TRAF3: variants seen among roughly 807,000 people sequenced by gnomAD.
TRAF3 encodes TNF receptor associated factor 3.
A neutral mutation model predicts 62.3 loss-of-function variants in TRAF3; 13 were observed. The observed-to-expected ratio is 0.21, with a 90% CI of 0.14 to 0.33. The LOEUF (loss-of-function observed/expected upper bound fraction) is 0.33, where lower values mean the gene tolerates loss of function less well. TRAF3 is among the 10% of genes least tolerant of loss of function. The pLI is 1.00. For missense variants in TRAF3, 440 were observed against 741.8 expected, an observed-to-expected ratio of 0.59 and a Z score of 4.73; for synonymous variants, 269 against 283.4, an observed-to-expected ratio of 0.95 and a Z score of 0.51.
At chr14:102,879,531 T>A (rs1888920901) in intron 6 of TRAF3, among the ~76,000 whole-genome samples, 2 of 152,014 alleles carry the variant, frequency 1.3e-5, no homozygotes, top group African/African-American at 4.8e-5. Context: ...AGTGGTGGGA[T>A]TATAGGCGTG....
intron 2 of TRAF3, among the ~76,000 whole-genome samples, chr14:102,858,288 C>T (rs1887491820): frequency 6.6e-6 from 1 of 151,948 alleles, no homozygotes; most frequent in African/African-American, 2.4e-5. Context: ...AGTAGCTGGG[C>T]TTACAGGTAC....
At position 102,826,919 on chromosome 14, in the gene TRAF3, G is replaced by A. The variant is rs1359176139; in HGVS notation, c.-156-3415G>A. Among the ~76,000 whole-genome samples, 5 of 152,188 alleles carry A rather than the reference G, an allele frequency of 3.3e-5. No individual in the cohort carries two copies. The highest frequency in any genetic ancestry group is 7.4e-5 in the Non-Finnish European group (5 of 68,024). ...TGGTGCCTCCCCGTGGTCACCATGT[G>A]CCTTGGGCAAATGGAGGCCTCAGGT... On this transcript the variant is annotated intron_variant, in intron 1 of 11. Coordinates refer to ENST00000392745, the MANE Select transcript of TRAF3 (RefSeq NM_145725.3). This position sits in a 1 kb window ranked among gnomAD's most constrained non-coding sequence, Gnocchi z 4.6.
At chr14:102,816,513 A>T (rs1417147502) in intron 1 of TRAF3, among the ~76,000 whole-genome samples, 1 of 152,246 alleles carries the variant, frequency 6.6e-6, no homozygotes, top group Non-Finnish European at 1.5e-5. Context: ...TGTTGAAATG[A>T]TAAAGTTTAA....
chr14:102,902,974 T>G (rs897283749), intron 10 of TRAF3: 1 of 480,332 alleles, frequency 2.1e-6, no homozygotes, highest in African/African-American at 2.0e-5. Context: ...GATGGCTCTC[T>G]GTTGACAAAG....
chr14:102,829,883 A>G (rs1382927147), intron 1 of TRAF3, among the ~76,000 whole-genome samples: 1 of 152,244 alleles, frequency 6.6e-6, no homozygotes, highest in Non-Finnish European at 1.5e-5. Context: ...TAATCCCAGC[A>G]CTTTGGGAGA....
At chr14:102,888,340 C>T (rs1889519199) in intron 7 of TRAF3, among the ~76,000 whole-genome samples, 1 of 152,202 alleles carries the variant, frequency 6.6e-6, no homozygotes, top group Non-Finnish European at 1.5e-5. Flanking sequence ...TTCCTACCAC[C>T]TTGACTCTGC....
intron 1 of TRAF3, among the ~76,000 whole-genome samples, chr14:102,786,192 C>T (rs908946403): frequency 2.0e-5 from 3 of 152,274 alleles, no homozygotes; most frequent in Admixed American, 1.3e-4. Flanking sequence ...TCAGTTTTCT[C>T]ATCTATGCAA....
chr14:102,864,692 G>T (rs1177407072), intron 2 of TRAF3, among the ~76,000 whole-genome samples: 1 of 152,328 alleles, frequency 6.6e-6, no homozygotes, highest in African/African-American at 2.4e-5. Context: ...GTCAGTATTT[G>T]TTGGGTTGAG....
chr14:102,825,596 C>T (rs529306806), intron 1 of TRAF3, among the ~76,000 whole-genome samples: 2 of 152,344 alleles, frequency 1.3e-5, no homozygotes, highest in East Asian at 3.9e-4. Context: ...ACGGAGAGCC[C>T]ACTCAGGCTA....
intron 1 of TRAF3, among the ~76,000 whole-genome samples, chr14:102,783,710 CACT>C (rs1052949331): frequency 6.6e-6 from 1 of 152,138 alleles, no homozygotes; most frequent in African/African-American, 2.4e-5. Context: ...TCTGGAATCC[CACT>C]GTGTATCCCT....
chr14:102,796,040 A>G (rs1378304820), intron 1 of TRAF3, among the ~76,000 whole-genome samples: 1 of 152,078 alleles, frequency 6.6e-6, no homozygotes, highest in East Asian at 1.9e-4. Context: ...AACATGGTGA[A>G]ACCCCATCTC....
intron 1 of TRAF3, among the ~76,000 whole-genome samples, chr14:102,822,557 C>G (rs945725879): frequency 5.3e-5 from 8 of 152,192 alleles, no homozygotes; most frequent in African/African-American, 1.7e-4. Context: ...GTTAAGTTAA[C>G]AGGAGTATCT....
intron 1 of TRAF3, among the ~76,000 whole-genome samples, chr14:102,804,461 C>T (rs1898645510): frequency 6.6e-6 from 1 of 152,096 alleles, no homozygotes. Flanking sequence ...TTCAGAGGGC[C>T]AAGAACGCAA....
At chr14:102,778,625 C>G (rs1897140414) in intron 1 of TRAF3, among the ~76,000 whole-genome samples, 2 of 152,106 alleles carry the variant, frequency 1.3e-5, no homozygotes, top group African/African-American at 4.8e-5. Context: ...ATAATTCATT[C>G]ATTTTTGTGG....
At chr14:102,799,002 T>G (rs1342810035) in intron 1 of TRAF3, among the ~76,000 whole-genome samples, 2 of 152,218 alleles carry the variant, frequency 1.3e-5, no homozygotes, top group Non-Finnish European at 2.9e-5. Flanking sequence ...GGACTCTTGT[T>G]CAGTTTACAT....
intron 1 of TRAF3, among the ~76,000 whole-genome samples, chr14:102,819,393 G>A (rs1048799237): frequency 1.3e-5 from 2 of 152,146 alleles, no homozygotes; most frequent in Admixed American, 1.3e-4. Flanking sequence ...GTCACCTCAC[G>A]GTCTTCCCCT....
In TRAF3 at chr14:102,886,370, G is replaced by A. The variant is rs138521171; in HGVS notation, c.651+101G>A. ...CCGAAGCCTCACGTTTTCCCAGTTCGTGAGAGTCATGTGTATGGCAGACAA... is the reference window on the plus strand; with the variant it reads ...CCGAAGCCTCACGTTTTCCCAGTTCATGAGAGTCATGTGTATGGCAGACAA... On this transcript the variant is annotated intron_variant, in intron 7 of 11. Transcript: ENST00000392745. The A allele has an allele frequency of 2.0e-4, 213 of 1,055,682 alleles. No individual in the cohort carries two copies. In the African/African-American group the frequency reaches 2.4e-3, roughly 12 times the overall value. The allele number at this position is 1,055,682 out of a possible 1,614,324, so 65.4% of individuals were successfully genotyped here. A position where few individuals can be genotyped will look rare whatever the true frequency, so the allele number is the denominator to read the frequency against.
chr14:102,833,493 G>A (rs1304259828), intron 2 of TRAF3, among the ~76,000 whole-genome samples: 1 of 152,158 alleles, frequency 6.6e-6, no homozygotes, highest in Non-Finnish European at 1.5e-5. Context: ...TCTCATGCAA[G>A]CGAACACCCA....
In TRAF3 at chr14:102,875,543, G is replaced by A. The variant is rs1555374498; in HGVS notation, c.298-81G>A. The A allele has an allele frequency of 4.8e-6, 5 of 1,042,716 alleles. No individual in the cohort carries two copies. In the Admixed American group the frequency reaches 1.0e-4, roughly 22 times the overall value. 64.6% of individuals were successfully genotyped at this position (1,042,716 alleles called of 1,614,324 possible). On this transcript the variant is annotated intron_variant, in intron 4 of 11. Transcript: ENST00000392745. Reference sequence around the variant, plus strand: ...TTCCTCTCTTGTTTTTTTTTTTTAAGTGGTTTTGCCTTGTCCAAAGTAGCA... The same window carrying A: ...TTCCTCTCTTGTTTTTTTTTTTTAAATGGTTTTGCCTTGTCCAAAGTAGCA...
Sources: gnomAD v4.1 joint callset for allele counts (sites outside exome capture counted in the v4.1 genomes callset) on GRCh38, gnomAD v4.1.1 for gene constraint, Gnocchi (gnomAD v3.1) non-coding constraint, MANE v1.5 for transcripts, NCBI Gene and HGNC (gene_info 2026-07-23, HGNC 2026-07-21) for gene names.